DLGAP2: variants seen among roughly 807,000 people sequenced by gnomAD.
The protein encoded by DLGAP2 is disks large-associated protein 2.
In DLGAP2, 26 loss-of-function variants were observed where a neutral mutation model predicts 100.3. That is an observed-to-expected ratio of 0.26 (90% CI 0.19 to 0.36). The LOEUF (loss-of-function observed/expected upper bound fraction) is 0.36, where lower values mean the gene tolerates loss of function less well. DLGAP2 is among the 10% of genes least tolerant of loss of function. The pLI is 1.00. For missense variants in DLGAP2, 1,858 were observed against 1,453.2 expected, an observed-to-expected ratio of 1.28 and a Z score of -4.53; for synonymous variants, 886 against 630.1, an observed-to-expected ratio of 1.41 and a Z score of -6.08.
chr8:1,251,739 A>G (rs1352754053), intron 2 of DLGAP2, among the ~76,000 whole-genome samples: 2 of 152,226 alleles, frequency 1.3e-5, no homozygotes, highest in Non-Finnish European at 2.9e-5. Flanking sequence ...GTTGTCATAT[A>G]GTCATTGTCG....
chr8:964,166 T>A (rs1008585218), intron 2 of DLGAP2, among the ~76,000 whole-genome samples: 8 of 152,214 alleles, frequency 5.3e-5, no homozygotes, highest in African/African-American at 1.4e-4. Flanking sequence ...GACATAAAGC[T>A]GTTTTTAAAC....
At chr8:1,135,503 G>GTTTTTTTTTTTTTTT (rs3080806) in intron 2 of DLGAP2, among the ~76,000 whole-genome samples, 23 of 92,226 alleles carry the variant, frequency 2.5e-4, no homozygotes, top group East Asian at 3.8e-4. Context: ...TTTTTTGTGG[G>GTTTTTTTTTTTTTTT]TTTTTTTTTT....
intron 2 of DLGAP2, among the ~76,000 whole-genome samples, chr8:1,050,166 A>G (rs112033285): frequency 9.6e-4 from 146 of 152,360 alleles, no homozygotes; most frequent in Admixed American, 1.4e-3. Context: ...GAAACTTTGT[A>G]TGCCTACAGT....
Position 1,685,504 on chromosome 8 carries a change from A to G in DLGAP2, c.2705-6031A>G, listed in dbSNP as rs1006265259. 1.1e-4 allele frequency among the ~76,000 whole-genome samples: 16 copies of G among 152,232 alleles called. 1 individual carries two copies. The highest frequency in any genetic ancestry group is 8.5e-4 in the Admixed American group (13 of 15,278). ...TGTCCATTTTGTGGATCAGACTAAG[A>G]GAATCAACCCACTGACCAGGCCTCT... is the stretch of plus-strand genomic sequence containing the variant. On this transcript the variant is annotated intron_variant, in intron 12 of 14. Coordinates refer to ENST00000637795, the MANE Select transcript of DLGAP2 (RefSeq NM_001346810.2).
intron 2 of DLGAP2, among the ~76,000 whole-genome samples, chr8:1,066,090 C>G (rs1248321965): frequency 1.3e-5 from 2 of 152,142 alleles, no homozygotes; most frequent in African/African-American, 4.8e-5. Context: ...CCACAACGGT[C>G]AGGTCTGAGT....
At position 1,448,822 on chromosome 8, in the gene DLGAP2, C is replaced by T. The variant is rs193257119; in HGVS notation, c.107-52544C>T. On this transcript the variant is annotated intron_variant, in intron 3 of 14. Coordinates refer to ENST00000637795, the MANE Select transcript of DLGAP2 (RefSeq NM_001346810.2). Reference sequence around the variant, plus strand: ...CATGACATCAATCATTGCCCTGATCCGGCCATGGAAAGATTTGGAGAAAGC... The same window carrying T: ...CATGACATCAATCATTGCCCTGATCTGGCCATGGAAAGATTTGGAGAAAGC... 9.8e-5 allele frequency among the ~76,000 whole-genome samples: 15 copies of T among 152,300 alleles called. No individual in the cohort carries two copies. The East Asian group carries it at 1.4e-3, about 14-fold the overall frequency.
At position 757,917 on chromosome 8, in the gene DLGAP2, C is replaced by T. The variant is rs113755296; in HGVS notation, c.18+20092C>T. 5.4e-3 allele frequency among the ~76,000 whole-genome samples: 817 copies of T among 152,270 alleles called. 3 individuals carry two copies. The highest frequency in any genetic ancestry group is 0.017 in the African/African-American group (711 of 41,544). On this transcript the variant is annotated intron_variant, in intron 1 of 14. Coordinates refer to ENST00000637795, the MANE Select transcript of DLGAP2 (RefSeq NM_001346810.2). ...CTTGTCTCCTCGTTTCCCACCTCTG[C>T]GCTCATTAGTGACTGCTGGGCGGCG...
chr8:762,379 G>C (rs550761965), intron 1 of DLGAP2, among the ~76,000 whole-genome samples: 2 of 152,210 alleles, frequency 1.3e-5, no homozygotes, highest in African/African-American at 2.4e-5. Flanking sequence ...TTGCAGAGAA[G>C]TATAACATGA....
intron 2 of DLGAP2, among the ~76,000 whole-genome samples, chr8:1,202,300 G>A (rs1175297700): frequency 6.6e-6 from 1 of 151,516 alleles, no homozygotes; most frequent in Non-Finnish European, 1.5e-5. Flanking sequence ...TAGTATATGT[G>A]TGTGTGTGTG....
intron 2 of DLGAP2, among the ~76,000 whole-genome samples, chr8:910,881 G>A (rs932970620): frequency 2.0e-5 from 3 of 152,066 alleles, no homozygotes; most frequent in Non-Finnish European, 4.4e-5. Context: ...CAGGCCTTGG[G>A]CGCGGTGTCC....
At chr8:1,058,576 A>G (rs1426132271) in intron 2 of DLGAP2, among the ~76,000 whole-genome samples, 1 of 152,176 alleles carries the variant, frequency 6.6e-6, no homozygotes, top group Non-Finnish European at 1.5e-5. Context: ...CAAAGAGGAG[A>G]TCAACTTGGA....
At chr8:1,551,641 C>A (rs572024231) in intron 5 of DLGAP2, among the ~76,000 whole-genome samples, 2 of 152,194 alleles carry the variant, frequency 1.3e-5, no homozygotes, top group South Asian at 2.1e-4. Flanking sequence ...ACCCACACAC[C>A]GTCAGCCCCT....
chr8:1,287,633 AGTGTGTGTGTGT>A (rs782499346), intron 3 of DLGAP2, among the ~76,000 whole-genome samples: 1 of 69,646 alleles, frequency 1.4e-5, no homozygotes. Flanking sequence ...GTTTCGGTTG[AGTGTGTGTGTGT>A]GTGTGTGTGT....
At chr8:1,206,858 T>G (rs73670674) in intron 2 of DLGAP2, among the ~76,000 whole-genome samples, 3,412 of 152,262 alleles carry the variant, frequency 0.022, 134 homozygotes, top group African/African-American at 0.078. Context: ...GGTTTTCCTA[T>G]GTCAGCCTTC....
rs1347897228 is a variant in DLGAP2, at chr8:1,376,005, CCTCAGAACTGAGCCCCCACCTCCT to C, written c.106+117123_106+117146del. ...TTGGGTTAACGACCCCTCTCCACGG[CCTCAGAACTGAGCCCCCACCTCCT>C]ACATTTGGGTTAACGACACCTCTCC... On this transcript the variant is annotated intron_variant, in intron 3 of 14. Coordinates refer to ENST00000637795, the MANE Select transcript of DLGAP2 (RefSeq NM_001346810.2). 9.4e-3 allele frequency among the ~76,000 whole-genome samples: 169 copies of C among 18,074 alleles called. 9 individuals carry two copies. The highest frequency in any genetic ancestry group is 0.048 in the African/African-American group (160 of 3,322). 11.9% of individuals were successfully genotyped at this position (18,074 alleles called of 152,430 possible). A position where few individuals can be genotyped will look rare whatever the true frequency, so the allele number is the denominator to read the frequency against.
chr8:1,146,280 C>G (rs79780227), intron 2 of DLGAP2, among the ~76,000 whole-genome samples: 5 of 152,158 alleles, frequency 3.3e-5, no homozygotes, highest in African/African-American at 1.2e-4. Flanking sequence ...ATCGCGTAGC[C>G]TCTGTTAAGA....
chr8:938,217 C>T (rs1799115397), intron 2 of DLGAP2, among the ~76,000 whole-genome samples: 1 of 152,038 alleles, frequency 6.6e-6, no homozygotes, highest in Non-Finnish European at 1.5e-5. Flanking sequence ...CAGGGTCTCT[C>T]TCTGTTGCCC....
At chr8:1,605,232 A>T (rs182622772) in intron 6 of DLGAP2, among the ~76,000 whole-genome samples, 83 of 152,048 alleles carry the variant, frequency 5.5e-4, no homozygotes, top group African/African-American at 1.9e-3. Context: ...CCAGATCCGG[A>T]CCTCCTGACC....
chr8:911,816 A>C (rs1306309837), intron 2 of DLGAP2, among the ~76,000 whole-genome samples: 1 of 152,230 alleles, frequency 6.6e-6, no homozygotes, highest in East Asian at 1.9e-4. Context: ...AGGATGCTGG[A>C]GAACACATCA....
Sources: gnomAD v4.1 joint callset for allele counts (sites outside exome capture counted in the v4.1 genomes callset) on GRCh38, gnomAD v4.1.1 for gene constraint, MANE v1.5 for transcripts, NCBI Gene and HGNC (gene_info 2026-07-23, HGNC 2026-07-21) for gene names.